The following CCDC171 variants were observed in gnomAD, a reference collection of about 807,000 sequenced individuals.
The protein encoded by CCDC171 is coiled-coil domain containing 171.
In CCDC171, 177 loss-of-function variants were observed where a neutral mutation model predicts 168.2. The observed-to-expected ratio is 1.05, with a 90% CI of 0.93 to 1.19. The LOEUF (loss-of-function observed/expected upper bound fraction) is 1.19. Among genes scored for constraint, CCDC171 ranks in the 50% most tolerant of loss-of-function variants. The pLI is 0.00. For synonymous variants in CCDC171, 687 were observed against 540.8 expected (o/e 1.27, Z -3.75); for missense variants, 1,991 against 1,539.0 (o/e 1.29, Z -4.91).
chr9:15,775,871 G>A (rs753209612), intron 18 of CCDC171, among the ~76,000 whole-genome samples: 3 of 152,084 alleles, frequency 2.0e-5, no homozygotes, highest in Non-Finnish European at 4.4e-5. Flanking sequence ...ATGTATGCTG[G>A]GCTGGCCCAG....
intron 3 of CCDC171, among the ~76,000 whole-genome samples, chr9:15,979,840 G>A (rs954865485): frequency 6.6e-6 from 1 of 151,868 alleles, no homozygotes. Context: ...TTTTTTTAAA[G>A]AGTTTGGGAA....
chr9:15,802,310 G>A (rs1020074387), intron 21 of CCDC171, among the ~76,000 whole-genome samples: 2 of 151,884 alleles, frequency 1.3e-5, no homozygotes, highest in African/African-American at 2.4e-5. Flanking sequence ...TGTTACCTAC[G>A]TAAATGTGTG....
chr9:15,918,378 G>C (rs578124369), intron 24 of CCDC171, among the ~76,000 whole-genome samples: 1 of 149,822 alleles, frequency 6.7e-6, no homozygotes, highest in Non-Finnish European at 1.5e-5. Context: ...GGCTCAGAGG[G>C]ATTATGTGGC....
chr9:15,596,726 T>G lies in CCDC171; in HGVS notation c.675+2554T>G, dbSNP rs1199867711. Among the ~76,000 whole-genome samples, 6 of 152,026 alleles carry G rather than the reference T, an allele frequency of 3.9e-5. 1 individual carries two copies. Among genetic ancestry groups the G allele is most frequent in the Admixed American group, 3.3e-4 (5 of 15,260 alleles). On this transcript the variant is annotated intron_variant, in intron 6 of 25. Coordinates refer to ENST00000380701, the MANE Select transcript of CCDC171 (RefSeq NM_173550.4). ...TGGGGATGGCATTGAATCTATAAAT[T>G]ACCTTGGGCAGTATGGCCATTTTCA...
intron 6 of CCDC171, among the ~76,000 whole-genome samples, chr9:15,619,700 A>G (rs2044358955): frequency 6.6e-6 from 1 of 152,236 alleles, no homozygotes; most frequent in South Asian, 2.1e-4. Context: ...GAAGGTGGCC[A>G]CACTAAACAA....
At chr9:15,620,163 C>G (rs1329574998) in intron 6 of CCDC171, among the ~76,000 whole-genome samples, 1 of 152,188 alleles carries the variant, frequency 6.6e-6, no homozygotes, top group Non-Finnish European at 1.5e-5. Context: ...GCACATGCAT[C>G]AATGAAGAAT....
chr9:15,653,995 A>T (rs931952079), intron 7 of CCDC171, among the ~76,000 whole-genome samples: 5 of 152,132 alleles, frequency 3.3e-5, no homozygotes, highest in African/African-American at 7.2e-5. Context: ...AAATGTCCTC[A>T]TTTCTTGGTT....
At chr9:15,710,376 C>T (rs2052570318) in intron 11 of CCDC171, among the ~76,000 whole-genome samples, 1 of 152,008 alleles carries the variant, frequency 6.6e-6, no homozygotes, top group Non-Finnish European at 1.5e-5. Context: ...CATCTCAGCT[C>T]ACTGCAAGCT....
At chr9:15,614,180 G>T (rs1053605931) in intron 6 of CCDC171, among the ~76,000 whole-genome samples, 1 of 152,172 alleles carries the variant, frequency 6.6e-6, no homozygotes, top group African/African-American at 2.4e-5. Flanking sequence ...CTTATATATA[G>T]ACTTGCACTT....
chr9:15,582,518 T>G (rs2041210018), intron 4 of CCDC171, among the ~76,000 whole-genome samples: 2 of 152,012 alleles, frequency 1.3e-5, no homozygotes, highest in South Asian at 4.2e-4. Flanking sequence ...TAGCAAAGAC[T>G]TGGAACCAAC....
intron 18 of CCDC171, among the ~76,000 whole-genome samples, chr9:15,749,080 C>T (rs538731727): frequency 5.3e-5 from 8 of 151,292 alleles, no homozygotes; most frequent in African/African-American, 1.2e-4. Context: ...CCATCTCACA[C>T]GCAGAGATGC....
At chr9:15,586,057 A>G (rs920224355) in intron 4 of CCDC171, among the ~76,000 whole-genome samples, 2 of 152,218 alleles carry the variant, frequency 1.3e-5, no homozygotes, top group African/African-American at 4.8e-5. Flanking sequence ...TCTGTAAAAA[A>G]ATAAAACTAT....
chr9:16,046,751 T>A (rs950966681), intron 1 of CCDC171, among the ~76,000 whole-genome samples: 8 of 152,224 alleles, frequency 5.3e-5, no homozygotes, highest in Admixed American at 2.6e-4. Flanking sequence ...CCATGTAAGA[T>A]GTGCCTTTCA....
chr9:16,064,621 G>T (rs182094382), downstream of CCDC171, among the ~76,000 whole-genome samples: 7 of 152,262 alleles, frequency 4.6e-5, no homozygotes, highest in East Asian at 1.4e-3. Flanking sequence ...GAGGATCTTT[G>T]TGTCTTCACT....
intron 9 of CCDC171, among the ~76,000 whole-genome samples, chr9:15,666,606 A>G (rs1355664941): frequency 3.9e-5 from 6 of 152,152 alleles, no homozygotes; most frequent in Admixed American, 2.6e-4. Flanking sequence ...ATGTAACGCA[A>G]TATCTTTAAG....
At chr9:16,043,824 C>T (rs1833611927) in intron 1 of CCDC171, among the ~76,000 whole-genome samples, 1 of 152,100 alleles carries the variant, frequency 6.6e-6, no homozygotes, top group Admixed American at 6.5e-5. Flanking sequence ...ACTACAGGGC[C>T]CTTAGGATGA....
chr9:15,582,356 G>C (rs1404752087), intron 4 of CCDC171, among the ~76,000 whole-genome samples: 1 of 152,204 alleles, frequency 6.6e-6, no homozygotes, highest in African/African-American at 2.4e-5. Flanking sequence ...TTAAACTGTT[G>C]TGGAAGACAG....
chr9:15,848,311 C>A (rs1374241696), intron 22 of CCDC171, among the ~76,000 whole-genome samples: 1 of 151,840 alleles, frequency 6.6e-6, no homozygotes, highest in African/African-American at 2.4e-5. Flanking sequence ...TTCATTCAAA[C>A]TTTTTATTTC....
chr9:15,948,217 G>T (rs932761993), intron 25 of CCDC171, among the ~76,000 whole-genome samples: 2 of 150,710 alleles, frequency 1.3e-5, no homozygotes, highest in Admixed American at 6.6e-5. Context: ...TCTTAATCCA[G>T]TCTATCGTTG....
Sources: gnomAD v4.1 joint callset for allele counts (sites outside exome capture counted in the v4.1 genomes callset) on GRCh38, gnomAD v4.1.1 for gene constraint, MANE v1.5 for transcripts, NCBI Gene and HGNC (gene_info 2026-07-23, HGNC 2026-07-21) for gene names.